LRMDA: variants seen among roughly 807,000 people sequenced by gnomAD.
LRMDA encodes the protein leucine rich melanocyte differentiation associated, also known as leucine-rich melanocyte differentiation-associated protein.
In LRMDA, 18 loss-of-function variants were observed where a neutral mutation model predicts 29.8. That is an observed-to-expected ratio of 0.60 (90% CI 0.42 to 0.90). The LOEUF is 0.90. LRMDA is among the 40% of genes least tolerant of loss of function. The pLI is 0.00. For missense variants in LRMDA, 273 were observed against 273.9 expected (o/e 1.00, Z 0.02); for synonymous variants, 125 against 109.4 (o/e 1.14, Z -0.89).
chr10:75,825,290 A>G (rs1844229602), intron 2 of LRMDA, among the ~76,000 whole-genome samples: 1 of 152,222 alleles, frequency 6.6e-6, no homozygotes, highest in South Asian at 2.1e-4. Context: ...CAGTTTTTCT[A>G]CAAACTTTGG....
chr10:75,969,071 C>A (rs1209054206), intron 2 of LRMDA, among the ~76,000 whole-genome samples: 2 of 152,178 alleles, frequency 1.3e-5, no homozygotes, highest in African/African-American at 2.4e-5. Flanking sequence ...ACACTGACAG[C>A]CACTGTTGGC....
intron 3 of LRMDA, among the ~76,000 whole-genome samples, chr10:76,040,421 TC>T (rs1379826506): frequency 6.6e-6 from 1 of 152,200 alleles, no homozygotes; most frequent in East Asian, 1.9e-4. Context: ...CGTGTTGATA[TC>T]CTGCTCTGGT....
intron 2 of LRMDA, among the ~76,000 whole-genome samples, chr10:76,010,756 C>T (rs1794315959): frequency 6.6e-6 from 1 of 152,238 alleles, no homozygotes; most frequent in African/African-American, 2.4e-5. Flanking sequence ...GAATCCTGAC[C>T]TCTGTCACCT....
intron 2 of LRMDA, among the ~76,000 whole-genome samples, chr10:75,897,611 A>C (rs1212011531): frequency 6.6e-6 from 1 of 152,168 alleles, no homozygotes; most frequent in African/African-American, 2.4e-5. Flanking sequence ...AGCCAGGGAA[A>C]CTGAGGCTAA....
At chr10:76,335,423 T>G (rs1402587140) in intron 6 of LRMDA, among the ~76,000 whole-genome samples, 1 of 152,116 alleles carries the variant, frequency 6.6e-6, no homozygotes, top group Non-Finnish European at 1.5e-5. Context: ...CTGTTTAGGT[T>G]AGATCCAAAG....
At chr10:75,799,608 G>A (rs549241196) in intron 2 of LRMDA, among the ~76,000 whole-genome samples, 17 of 151,136 alleles carry the variant, frequency 1.1e-4, no homozygotes, top group Admixed American at 2.0e-4. Context: ...TCCGCCTCCC[G>A]GGTTCAAGTG....
intron 5 of LRMDA, among the ~76,000 whole-genome samples, chr10:76,127,629 G>GT (rs750561069): frequency 1.3e-5 from 2 of 150,142 alleles, no homozygotes; most frequent in Non-Finnish European, 1.5e-5. Flanking sequence ...GTGTGTTTTA[G>GT]TTTTTTGAAT....
rs148643451 is a variant in LRMDA at position 75,662,761 on chromosome 10, C to T, written c.131+224267C>T. ...AATTCTGTCTTGTCTTTGGTGAGGA[C>T]GTTCTGTAGCCTTCCTACATAGTTT... On this transcript the variant is annotated intron_variant, in intron 2 of 6. Transcript: ENST00000611255. Among the ~76,000 whole-genome samples, 822 of 152,256 alleles carry T rather than the reference C, an allele frequency of 5.4e-3. 6 individuals are homozygous for T. Among genetic ancestry groups the T allele is most frequent in the Middle Eastern group, 0.02 (6 of 294 alleles).
chr10:76,555,770 A>C (rs1355022272), intron 6 of LRMDA, among the ~76,000 whole-genome samples: 1 of 28,696 alleles, frequency 3.5e-5, no homozygotes, highest in Non-Finnish European at 8.0e-5. Context: ...ATTAACCAAA[A>C]AAAAAAAAAA....
At chr10:75,510,319 T>C (rs1284004741) in intron 2 of LRMDA, among the ~76,000 whole-genome samples, 1 of 152,180 alleles carries the variant, frequency 6.6e-6, no homozygotes, top group Non-Finnish European at 1.5e-5. Flanking sequence ...ACAGAAGAAC[T>C]GGCTGACTCT....
intron 6 of LRMDA, chr10:76,470,492 A>G (rs1321879897): frequency 6.6e-6 from 1 of 152,098 alleles, no homozygotes; most frequent in African/African-American, 2.4e-5. Flanking sequence ...GGTAGAAACA[A>G]CCCAAATGTC....
intron 2 of LRMDA, among the ~76,000 whole-genome samples, chr10:76,032,053 A>G (rs1024717270): frequency 2.6e-5 from 4 of 152,184 alleles, no homozygotes; most frequent in Non-Finnish European, 4.4e-5. Flanking sequence ...TTTATGGTAC[A>G]ATGTTCTGGC....
intron 2 of LRMDA, among the ~76,000 whole-genome samples, chr10:75,862,985 T>C (rs913014420): frequency 6.6e-6 from 1 of 152,134 alleles, no homozygotes; most frequent in African/African-American, 2.4e-5. Flanking sequence ...ATTCTTTTTG[T>C]TTGGTCCTGG....
intron 5 of LRMDA, among the ~76,000 whole-genome samples, chr10:76,147,113 T>G (rs1279061584): frequency 2.0e-5 from 3 of 152,208 alleles, no homozygotes; most frequent in Non-Finnish European, 4.4e-5. Flanking sequence ...TGGCTGCCCT[T>G]AACGTTTTTT....
intron 6 of LRMDA, among the ~76,000 whole-genome samples, chr10:76,457,876 G>A (rs1488296644): frequency 6.6e-6 from 1 of 152,128 alleles, no homozygotes; most frequent in African/African-American, 2.4e-5. Flanking sequence ...TGTAGCTGCT[G>A]CAAATGACAA....
At position 76,192,732 on chromosome 10, in the gene LRMDA, C is replaced by A. The variant is rs11001677; in HGVS notation, c.517-131669C>A. Among the ~76,000 whole-genome samples, 735 of 152,272 alleles carry A rather than the reference C, an allele frequency of 4.8e-3. 7 individuals are homozygous for A. Among genetic ancestry groups the A allele is most frequent in the Middle Eastern group, 0.024 (7 of 294 alleles). On this transcript the variant is annotated intron_variant, in intron 5 of 6. Transcript: ENST00000611255. ...GAAATTTTTTAGAAATCTTTCCCAG[C>A]AATTTCTAAAAAGAGTAGGACTAAC... is the stretch of plus-strand genomic sequence containing the variant.
At chr10:75,719,152 T>G (rs567102876) in intron 2 of LRMDA, among the ~76,000 whole-genome samples, 1 of 152,350 alleles carries the variant, frequency 6.6e-6, no homozygotes, top group South Asian at 2.1e-4. Flanking sequence ...GTCCAAACAG[T>G]TAAGCTGTTC....
chr10:75,441,090 G>A (rs1844322012), intron 2 of LRMDA, among the ~76,000 whole-genome samples: 2 of 152,114 alleles, frequency 1.3e-5, no homozygotes, highest in African/African-American at 4.8e-5. Context: ...GGAAAATAGG[G>A]AGAAGAGAAG....
At chr10:75,982,823 C>T (rs151294295) in intron 2 of LRMDA, among the ~76,000 whole-genome samples, 3 of 152,186 alleles carry the variant, frequency 2.0e-5, no homozygotes, top group African/African-American at 7.2e-5. Flanking sequence ...GAGCTTAATT[C>T]TAGCAGCTTC....
Sources: allele counts gnomAD v4.1 joint callset (sites outside exome capture counted in the v4.1 genomes callset), GRCh38; gene constraint gnomAD v4.1.1; transcripts MANE v1.5; gene names NCBI Gene and HGNC (gene_info 2026-07-23, HGNC 2026-07-21).